SEPTIN9: variants seen among roughly 807,000 people sequenced by gnomAD.
The protein encoded by SEPTIN9 is septin 9, also known as septin-9.
A neutral mutation model predicts 56.6 loss-of-function variants in SEPTIN9; 13 were observed. The observed-to-expected ratio is 0.23, with a 90% CI of 0.15 to 0.37. The LOEUF (loss-of-function observed/expected upper bound fraction) is 0.37. Ranked by LOEUF, SEPTIN9 falls within the 10% of genes least tolerant of loss-of-function variation. The pLI, the probability that SEPTIN9 is intolerant of heterozygous loss-of-function variation, is 1.00. For missense variants in SEPTIN9, 650 were observed against 823.1 expected (o/e 0.79, Z 2.57); for synonymous variants, 332 against 334.1 (o/e 0.99, Z 0.07).
At chr17:77,294,599 A>G (rs2031720788) in intron 1 of SEPTIN9, 1 of 160,516 alleles carries the variant, frequency 6.2e-6, no homozygotes, top group South Asian at 2.0e-4. Flanking sequence ...CTTTTTTTTT[A>G]AATGTGATTC....
intron 3 of SEPTIN9, among the ~76,000 whole-genome samples, chr17:77,447,623 TC>T (rs1434850487): frequency 2.6e-5 from 4 of 152,234 alleles, no homozygotes; most frequent in Non-Finnish European, 1.5e-5. Context: ...AACATTCATT[TC>T]TTTTTTTGTT....
chr17:77,316,733 G>T (rs1476913124), intron 2 of SEPTIN9, among the ~76,000 whole-genome samples: 10 of 150,006 alleles, frequency 6.7e-5, no homozygotes, highest in Non-Finnish European at 1.2e-4. Flanking sequence ...TTGAGACAGG[G>T]TCTCACTCTT....
chr17:77,344,921 G>A (rs548593675), intron 2 of SEPTIN9, among the ~76,000 whole-genome samples: 3 of 135,928 alleles, frequency 2.2e-5, no homozygotes, highest in Admixed American at 1.7e-4. Flanking sequence ...GCAGTGAGCC[G>A]AGACCATGCC....
chr17:77,328,108 C>T (rs1457768887), intron 2 of SEPTIN9, among the ~76,000 whole-genome samples: 31 of 149,346 alleles, frequency 2.1e-4, no homozygotes, highest in South Asian at 4.3e-4. Context: ...AGGGTGTCCC[C>T]GTACCCAGGG....
chr17:77,461,419 G>A (rs966089464), intron 3 of SEPTIN9, among the ~76,000 whole-genome samples: 7 of 152,268 alleles, frequency 4.6e-5, no homozygotes, highest in African/African-American at 1.4e-4. Context: ...GCTGAGGACC[G>A]CCCCCACCCT....
At position 77,498,769 on chromosome 17, in the gene SEPTIN9, C is replaced by T. The variant is rs2040388574; in HGVS notation, c.*111C>T. On this transcript the variant is annotated 3_prime_UTR_variant, in exon 12 of 12. Coordinates refer to ENST00000427177, the MANE Select transcript of SEPTIN9 (RefSeq NM_001113491.2). ...ATGATTTTCTCCATTTGTCATCGTT[C>T]CCCACCCCTTCGACATGCTGCCAGG... 7 of 635,302 alleles carry T rather than the reference C, an allele frequency of 1.1e-5. No homozygotes were observed. Among genetic ancestry groups the T allele is most frequent in the Non-Finnish European group, 1.6e-5 (6 of 372,366 alleles). The allele number at this position is 635,302 out of a possible 1,614,324, so 39.4% of individuals were successfully genotyped here. A position where few individuals can be genotyped will look rare whatever the true frequency, so the allele number is the denominator to read the frequency against.
rs757409209 is a variant in SEPTIN9 at position 77,488,232 on chromosome 17, C to T, written c.1043-8C>T. On this transcript the variant is annotated splice_polypyrimidine_tract_variant and splice_region_variant and intron_variant, in intron 5 of 11. Coordinates refer to ENST00000427177, the MANE Select transcript of SEPTIN9 (RefSeq NM_001113491.2). ...CCCCTCTGACTCTGCGTCCGTGGCT[C>T]TGTGCAGATATTGAGGAGAAAGGCG... 7 of 1,613,462 alleles carry T rather than the reference C, an allele frequency of 4.3e-6. No homozygotes were observed. The East Asian group carries it at 1.1e-4, about 26-fold the overall frequency.
rs139085230 is a variant in SEPTIN9, at chr17:77,395,134, C to T, written c.77-6925C>T. ...TCTTGCCATTTGCCCAGGCTGGTCT[C>T]GGACTCCTGGCTCAAGCGATCCTCT... On this transcript the variant is annotated intron_variant, in intron 2 of 11. Transcript: ENST00000427177. Among the ~76,000 whole-genome samples the T allele has an allele frequency of 3.0e-3, 461 of 151,878 alleles. 1 individual carries two copies. Among genetic ancestry groups the T allele is most frequent in the Middle Eastern group, 0.01 (3 of 294 alleles).
In SEPTIN9 at chr17:77,456,854, C is replaced by T. The variant is rs72887157; in HGVS notation, c.722-25290C>T. On this transcript the variant is annotated intron_variant, in intron 3 of 11. Transcript: ENST00000427177. The surrounding 1 kb of genome is among the most constrained non-coding windows in gnomAD (Gnocchi z 6.0). ...AAGTCCCCACGGCCAATACCAGATC[C>T]CAGTGACCAGCACTAGATGTCCACA... Among the ~76,000 whole-genome samples the T allele has an allele frequency of 0.03, 4,565 of 151,724 alleles. 108 individuals carry two copies. Among genetic ancestry groups the T allele is most frequent in the African/African-American group, 0.061 (2,506 of 41,322 alleles).
chr17:77,354,744 C>T (rs1427256377), intron 2 of SEPTIN9, among the ~76,000 whole-genome samples: 1 of 152,014 alleles, frequency 6.6e-6, no homozygotes, highest in East Asian at 1.9e-4. Context: ...GGCGCGAAGC[C>T]ATCTTTGCTT....
chr17:77,395,911 G>A (rs1361117079), intron 2 of SEPTIN9, among the ~76,000 whole-genome samples: 3 of 152,158 alleles, frequency 2.0e-5, no homozygotes, highest in Non-Finnish European at 4.4e-5. Flanking sequence ...AAATGTCCTC[G>A]TACGTAAATC....
intron 3 of SEPTIN9, among the ~76,000 whole-genome samples, chr17:77,455,751 G>C (rs2038171703): frequency 6.6e-6 from 1 of 152,220 alleles, no homozygotes; most frequent in Non-Finnish European, 1.5e-5. Context: ...AGACGTCATA[G>C]GTGCTTGCTC....
intron 3 of SEPTIN9, among the ~76,000 whole-genome samples, chr17:77,420,936 G>C (rs2144216605): frequency 6.6e-6 from 1 of 152,334 alleles, no homozygotes; most frequent in East Asian, 1.9e-4. Context: ...TCCAGATTAG[G>C]AAATCAAGGC....
rs543309691 is a variant in SEPTIN9, at chr17:77,424,890, G to A, written c.721+22187G>A. 6.6e-5 allele frequency among the ~76,000 whole-genome samples: 10 copies of A among 152,334 alleles called. No homozygotes were observed. The South Asian group carries it at 1.7e-3, about 25-fold the overall frequency. ...AGTGTGTGGACTCAGTACTCGGAAG[G>A]AGGGGCTGGGGGGTACCTAGAACTC... On this transcript the variant is annotated intron_variant, in intron 3 of 11. Transcript: ENST00000427177.
At chr17:77,493,197 A>T in intron 10 of SEPTIN9, 121 bp downstream of exon 10, 1 of 741,254 alleles carries the variant, frequency 1.3e-6, no homozygotes, top group Non-Finnish European at 2.2e-6. Context: ...GCCTTGCCCC[A>T]CCCAGAGGGA....
chr17:77,391,636 G>C (rs1024126158), intron 2 of SEPTIN9, among the ~76,000 whole-genome samples: 1 of 152,182 alleles, frequency 6.6e-6, no homozygotes, highest in African/African-American at 2.4e-5. Flanking sequence ...ATATCGTTTT[G>C]GGGGACACTG....
At chr17:77,396,213 C>T (rs2035707956) in intron 2 of SEPTIN9, among the ~76,000 whole-genome samples, 1 of 152,192 alleles carries the variant, frequency 6.6e-6, no homozygotes, top group Admixed American at 6.5e-5. Context: ...GGCTCCGCAT[C>T]TTTCTGACAC....
At chr17:77,353,778 G>A (rs905862140) in intron 2 of SEPTIN9, among the ~76,000 whole-genome samples, 19 of 152,130 alleles carry the variant, frequency 1.2e-4, no homozygotes, top group Admixed American at 2.0e-4. Context: ...TCTCAGCCCC[G>A]CAATCCATTC....
Position 77,319,408 on chromosome 17 carries a change from C to G in SEPTIN9, c.76+12211C>G, listed in dbSNP as rs1444192833. 2 of 368,260 alleles carry G rather than the reference C, an allele frequency of 5.4e-6. No individual in the cohort carries two copies. Among genetic ancestry groups the G allele is most frequent in the African/African-American group, 4.4e-5 (2 of 45,904 alleles). 22.8% of individuals were successfully genotyped at this position (368,260 alleles called of 1,614,324 possible). A position where few individuals can be genotyped will look rare whatever the true frequency, so the allele number is the denominator to read the frequency against. ...GAGTTCCCGGAGAGGAAGACTCGCT[C>G]CCTCCCAGGGGACGGCTAGAGACTC... On this transcript the variant is annotated intron_variant, in intron 2 of 11. Coordinates refer to ENST00000427177, the MANE Select transcript of SEPTIN9 (RefSeq NM_001113491.2). This position sits in a 1 kb window ranked among gnomAD's most constrained non-coding sequence, Gnocchi z 5.3.
Sources: allele counts gnomAD v4.1 joint callset (sites outside exome capture counted in the v4.1 genomes callset), GRCh38; gene constraint gnomAD v4.1.1; non-coding constraint Gnocchi (gnomAD v3.1); transcripts MANE v1.5; gene names NCBI Gene and HGNC (gene_info 2026-07-23, HGNC 2026-07-21).